The following MCTP2 variants were observed in gnomAD, a reference collection of about 807,000 sequenced individuals.
The protein encoded by MCTP2 is multiple C2 and transmembrane domain-containing protein 2.
MCTP2 carries 132 observed loss-of-function variants against 111.6 expected under a neutral mutation model. The ratio of observed to expected loss-of-function variants is 1.18; its 90% CI spans 1.03 to 1.37. The LOEUF is 1.37. MCTP2 is among the 40% of genes most tolerant of loss of function. The pLI is 0.00. For missense variants in MCTP2, 1,183 were observed against 1,067.9 expected, an observed-to-expected ratio of 1.11 and a Z score of -1.50; for synonymous variants, 395 against 387.7, an observed-to-expected ratio of 1.02 and a Z score of -0.22.
intron 19 of MCTP2, among the ~76,000 whole-genome samples, chr15:94,445,254 T>C (rs534732641): frequency 1.1e-4 from 17 of 152,338 alleles, no homozygotes; most frequent in African/African-American, 4.1e-4. Context: ...TTCTCCTCCT[T>C]CCCTCCAGAG....
intron 17 of MCTP2, among the ~76,000 whole-genome samples, chr15:94,423,130 G>T (rs557562622): frequency 1.3e-5 from 2 of 152,298 alleles, no homozygotes; most frequent in South Asian, 2.1e-4. Context: ...TAGTGAAATA[G>T]AGCCTAACAA....
intron 1 of MCTP2, among the ~76,000 whole-genome samples, chr15:94,289,840 T>A (rs1257193170): frequency 1.3e-5 from 2 of 152,188 alleles, no homozygotes; most frequent in Non-Finnish European, 2.9e-5. Flanking sequence ...CACAAAGGAC[T>A]TGTAGATGGG....
intron 14 of MCTP2, among the ~76,000 whole-genome samples, chr15:94,398,126 A>G (rs1302954229): frequency 6.6e-6 from 1 of 152,218 alleles, no homozygotes; most frequent in East Asian, 1.9e-4. Flanking sequence ...CTGATGCAAC[A>G]TGCCAGCCAA....
At chr15:94,244,924 G>C (rs901835740) in intron 1 of MCTP2, among the ~76,000 whole-genome samples, 2 of 136,636 alleles carry the variant, frequency 1.5e-5, no homozygotes, top group African/African-American at 5.5e-5. Context: ...GTTTATATAC[G>C]TATATGTATA....
chr15:94,244,121 T>G (rs1308411159), intron 1 of MCTP2, among the ~76,000 whole-genome samples: 7 of 147,596 alleles, frequency 4.7e-5, no homozygotes, highest in African/African-American at 1.7e-4. Context: ...TATGTTTATA[T>G]ACACATGTAT....
chr15:94,249,030 C>T (rs2072217387), intron 1 of MCTP2, among the ~76,000 whole-genome samples: 3 of 152,134 alleles, frequency 2.0e-5, no homozygotes, highest in Non-Finnish European at 4.4e-5. Flanking sequence ...TTGTGTTGTG[C>T]AGATAGATGC....
intron 1 of MCTP2, among the ~76,000 whole-genome samples, chr15:94,256,292 C>T (rs1488124602): frequency 2.0e-5 from 3 of 152,050 alleles, no homozygotes; most frequent in Non-Finnish European, 4.4e-5. Flanking sequence ...GTCCTGTCCC[C>T]AAGACATCTC....
chr15:94,427,076 T>C (rs1053375591), intron 17 of MCTP2, among the ~76,000 whole-genome samples: 11 of 152,142 alleles, frequency 7.2e-5, no homozygotes, highest in Admixed American at 6.5e-4. Context: ...TAAGAATTAG[T>C]AACTGTTTTA....
intron 1 of MCTP2, chr15:94,232,101 C>T (rs899237406): frequency 6.6e-6 from 1 of 152,120 alleles, no homozygotes; most frequent in Non-Finnish European, 1.5e-5. Context: ...CTCAACGACA[C>T]CGGAGCAGAA....
chr15:94,232,910 G>A (rs2070288451), intron 1 of MCTP2, among the ~76,000 whole-genome samples: 1 of 152,180 alleles, frequency 6.6e-6, no homozygotes, highest in South Asian at 2.1e-4. Context: ...TAGGCACTTT[G>A]TCTTGTCTAT....
chr15:94,293,536 G>T (rs748469289), intron 1 of MCTP2, among the ~76,000 whole-genome samples: 3 of 152,130 alleles, frequency 2.0e-5, no homozygotes, highest in Non-Finnish European at 4.4e-5. Flanking sequence ...CAACTGAAAG[G>T]ACTTGGCCCC....
In MCTP2 at chr15:94,392,382, A is replaced by G. The variant is rs191689324; in HGVS notation, c.1789-6579A>G. On this transcript the variant is annotated intron_variant, in intron 14 of 22. Coordinates refer to ENST00000357742, the MANE Select transcript of MCTP2 (RefSeq NM_001385001.1). ...GCGAGACTCCATCTCAAAAAAAAAAATAGTAATAGTAAGGTTATTATAAAT... is the reference window on the plus strand; with the variant it reads ...GCGAGACTCCATCTCAAAAAAAAAAGTAGTAATAGTAAGGTTATTATAAAT... Among the ~76,000 whole-genome samples, 966 of 150,480 alleles carry G rather than the reference A, an allele frequency of 6.4e-3. 7 individuals carry two copies. Among genetic ancestry groups the G allele is most frequent in the Middle Eastern group, 0.043 (12 of 282 alleles).
intron 20 of MCTP2, among the ~76,000 whole-genome samples, chr15:94,464,127 G>C (rs1334345279): frequency 6.7e-6 from 1 of 149,372 alleles, no homozygotes; most frequent in African/African-American, 2.5e-5. Flanking sequence ...GTTTATGGGA[G>C]TTTGATATCA....
At chr15:94,446,929 A>G (rs970009589) in intron 19 of MCTP2, among the ~76,000 whole-genome samples, 8 of 152,242 alleles carry the variant, frequency 5.3e-5, no homozygotes, top group African/African-American at 1.7e-4. Context: ...CCTTTAAGAA[A>G]ATAAGAAACA....
chr15:94,374,987 A>G (rs191323860), intron 12 of MCTP2, among the ~76,000 whole-genome samples: 102 of 152,336 alleles, frequency 6.7e-4, no homozygotes, highest in African/African-American at 2.3e-3. Flanking sequence ...ATTGCCATAA[A>G]GAAATTCCTG....
chr15:94,476,213 G>A (rs377362932), intron 21 of MCTP2, among the ~76,000 whole-genome samples: 6 of 152,242 alleles, frequency 3.9e-5, no homozygotes, highest in South Asian at 4.1e-4. Context: ...CCACTGCTAC[G>A]TTTGGTCCAG....
chr15:94,429,775 C>G (rs1487928854), intron 17 of MCTP2, among the ~76,000 whole-genome samples: 1 of 152,176 alleles, frequency 6.6e-6, no homozygotes, highest in African/African-American at 2.4e-5. Flanking sequence ...ACCATAACCT[C>G]TACCCTGAAT....
At chr15:94,384,234 T>C in intron 13 of MCTP2, 110 bp downstream of exon 13, 1 of 683,216 alleles carries the variant, frequency 1.5e-6, no homozygotes, top group South Asian at 1.9e-5. Flanking sequence ...ATTTTATTGT[T>C]TTTTTCTTTT....
intron 20 of MCTP2, among the ~76,000 whole-genome samples, chr15:94,462,773 G>A (rs1217534172): frequency 6.6e-6 from 1 of 152,184 alleles, no homozygotes; most frequent in East Asian, 1.9e-4. Flanking sequence ...TTAGGACTCA[G>A]GGTCCTCATC....
Sources: allele counts gnomAD v4.1 joint callset (sites outside exome capture counted in the v4.1 genomes callset), GRCh38; gene constraint gnomAD v4.1.1; transcripts MANE v1.5; gene names NCBI Gene and HGNC (gene_info 2026-07-23, HGNC 2026-07-21).